Variants in DPYSL2 observed in about 807,000 individuals in gnomAD.
DPYSL2 encodes the protein dihydropyrimidinase-related protein 2.
A neutral mutation model predicts 69.9 loss-of-function variants in DPYSL2; 13 were observed. The observed-to-expected ratio is 0.19, with a 90% CI of 0.12 to 0.30. DPYSL2 has a LOEUF of 0.30. Among genes scored for constraint, DPYSL2 ranks in the 10% least tolerant of loss-of-function variants. DPYSL2 has a pLI of 1.00. For missense variants in DPYSL2, 587 were observed against 918.9 expected, an observed-to-expected ratio of 0.64 and a Z score of 4.67; for synonymous variants, 326 against 359.1, an observed-to-expected ratio of 0.91 and a Z score of 1.04.
chr8:26,574,383 A>G (rs959618346), intron 1 of DPYSL2, among the ~76,000 whole-genome samples: 4 of 152,214 alleles, frequency 2.6e-5, no homozygotes, highest in Non-Finnish European at 5.9e-5. Context: ...ACTCTGATAC[A>G]GCACCTGGTT....
intron 1 of DPYSL2, among the ~76,000 whole-genome samples, chr8:26,577,533 A>C (rs1801379981): frequency 6.7e-6 from 1 of 148,528 alleles, no homozygotes; most frequent in Non-Finnish European, 1.5e-5. Flanking sequence ...ATTGGCGCGC[A>C]GGCGGGCAGG....
In DPYSL2 at chr8:26,582,665, T is replaced by C. The variant is rs1328488382; in HGVS notation, c.443+608T>C. Among the ~76,000 whole-genome samples, 1 of 152,234 alleles carries C rather than the reference T, an allele frequency of 6.6e-6. No individual in the cohort carries two copies. On this transcript the variant is annotated intron_variant, in intron 2 of 13. Transcript: ENST00000521913. This position sits in a 1 kb window ranked among gnomAD's most constrained non-coding sequence, Gnocchi z 4.1. The stretch of plus-strand genomic sequence containing the variant: ...GGGCAGTTCCTGAGTTTGGGTATTT[T>C]TGGACGCCAGAGGGTTAAGGAAGCT...
chr8:26,516,392 G>T lies in DPYSL2; in HGVS notation c.354+1713G>T, dbSNP rs1368082780. Among the ~76,000 whole-genome samples, 1 of 152,174 alleles carries T rather than the reference G, an allele frequency of 6.6e-6. No individual in the cohort carries two copies. Among genetic ancestry groups the T allele is most frequent in the African/African-American group, 2.4e-5 (1 of 41,434 alleles). On this transcript the variant is annotated intron_variant, in intron 1 of 13. Transcript: ENST00000521913. This position sits in a 1 kb window ranked among gnomAD's most constrained non-coding sequence, Gnocchi z 4.8. ...TTGAGTGAGTAGCCTCATGCATGGC[G>T]AGTTGTGCTGGTGATTGTGATGTCC... is the stretch of plus-strand genomic sequence containing the variant.
At chr8:26,519,463 G>A (rs1166271033) in intron 1 of DPYSL2, among the ~76,000 whole-genome samples, 3 of 152,100 alleles carry the variant, frequency 2.0e-5, no homozygotes, top group Non-Finnish European at 2.9e-5. Context: ...GATTTATGTA[G>A]CATTATATAA....
chr8:26,541,208 C>A (rs953081033), intron 1 of DPYSL2, among the ~76,000 whole-genome samples: 2 of 152,176 alleles, frequency 1.3e-5, no homozygotes, highest in African/African-American at 2.4e-5. Context: ...TAGTGGATTT[C>A]TTGGCAGAAA....
Position 26,621,338 on chromosome 8 carries a change from G to A in DPYSL2, c.629-2805G>A, listed in dbSNP as rs1312892648. ...ATTATTATTTCTGCTCATTCCCTTTGCTGGCCAGTGAAAGGAATGCATTTC... is the reference window on the plus strand; with the variant it reads ...ATTATTATTTCTGCTCATTCCCTTTACTGGCCAGTGAAAGGAATGCATTTC... On this transcript the variant is annotated intron_variant, in intron 3 of 13. Coordinates refer to ENST00000521913, the MANE Select transcript of DPYSL2 (RefSeq NM_001197293.3). This position sits in a 1 kb window ranked among gnomAD's most constrained non-coding sequence, Gnocchi z 4.9. 6.6e-6 allele frequency among the ~76,000 whole-genome samples: 1 copy of A among 152,054 alleles called. No homozygotes were observed. Among genetic ancestry groups the A allele is most frequent in the Non-Finnish European group, 1.5e-5 (1 of 68,026 alleles).
At position 26,641,172 on chromosome 8, in the gene DPYSL2, G is replaced by A. The variant is rs773401272; in HGVS notation, c.1127-2267G>A. 2.0e-5 allele frequency among the ~76,000 whole-genome samples: 3 copies of A among 152,194 alleles called. No individual in the cohort carries two copies. Among genetic ancestry groups the A allele is most frequent in the Non-Finnish European group, 4.4e-5 (3 of 68,032 alleles). On this transcript the variant is annotated intron_variant, in intron 8 of 13. Transcript: ENST00000521913. This position sits in a 1 kb window ranked among gnomAD's most constrained non-coding sequence, Gnocchi z 4.1. ...GAGCAGGCACAGGGAGAGGATGAGCGTCGGCAAGTTACAGGAAACTCAGGA... is the reference window on the plus strand; with the variant it reads ...GAGCAGGCACAGGGAGAGGATGAGCATCGGCAAGTTACAGGAAACTCAGGA...
chr8:26,536,489 G>T (rs1800594828), intron 1 of DPYSL2, among the ~76,000 whole-genome samples: 1 of 152,014 alleles, frequency 6.6e-6, no homozygotes, highest in Non-Finnish European at 1.5e-5. Context: ...TGGTTAACAT[G>T]GTGAAACGCC....
At chr8:26,612,968 G>A (rs1802267980) in intron 3 of DPYSL2, among the ~76,000 whole-genome samples, 1 of 152,212 alleles carries the variant, frequency 6.6e-6, no homozygotes, top group Non-Finnish European at 1.5e-5. Context: ...AGCATCAGAT[G>A]AGATAAGGTA....
At position 26,560,929 on chromosome 8, in the gene DPYSL2, A is replaced by G. The variant is rs1801060200; in HGVS notation, c.355-21040A>G. On this transcript the variant is annotated intron_variant, in intron 1 of 13. Coordinates refer to ENST00000521913, the MANE Select transcript of DPYSL2 (RefSeq NM_001197293.3). The surrounding 1 kb of genome is among the most constrained non-coding windows in gnomAD (Gnocchi z 4.4). The stretch of plus-strand genomic sequence containing the variant: ...GCCTCCAAGTCTAAAGAAGAATTTA[A>G]ATTGAGCTAGGGGAAGGGAAGTTGT... Among the ~76,000 whole-genome samples, 1 of 152,178 alleles carries G rather than the reference A, an allele frequency of 6.6e-6. No homozygotes were observed.
intron 1 of DPYSL2, among the ~76,000 whole-genome samples, chr8:26,552,122 A>G (rs1800882483): frequency 1.3e-5 from 2 of 152,202 alleles, no homozygotes; most frequent in South Asian, 4.1e-4. Context: ...CCTAAACAAT[A>G]TATGTTTGAA....
At chr8:26,568,445 T>C (rs1309693441) in intron 1 of DPYSL2, among the ~76,000 whole-genome samples, 1 of 152,078 alleles carries the variant, frequency 6.6e-6, no homozygotes, top group African/African-American at 2.4e-5. Flanking sequence ...AGTAATAAAT[T>C]CTCACTCCTT....
At position 26,652,189 on chromosome 8, in the gene DPYSL2, G is replaced by T; in HGVS notation, c.1597-68G>T. 6.9e-7 allele frequency: 1 copy of T among 1,456,140 alleles called. No homozygotes were observed. Among genetic ancestry groups the T allele is most frequent in the Non-Finnish European group, 9.2e-7 (1 of 1,084,874 alleles). 90.2% of individuals were successfully genotyped at this position (1,456,140 alleles called of 1,614,324 possible). The stretch of plus-strand genomic sequence containing the variant: ...TTGTCTCTGTGGGGTTGGGGCAGTG[G>T]GTGCTGCCGGGTGGATTGAGTCCAG... On this transcript the variant is annotated intron_variant, in intron 11 of 13. Transcript: ENST00000521913. The surrounding 1 kb of genome is among the most constrained non-coding windows in gnomAD (Gnocchi z 6.3).
intron 1 of DPYSL2, among the ~76,000 whole-genome samples, chr8:26,579,958 C>CCG (rs1801451668): frequency 1.4e-5 from 2 of 147,478 alleles, no homozygotes; most frequent in Non-Finnish European, 3.0e-5. Flanking sequence ...AAGAGCGCCC[C>CCG]CCCCCCCACA....
Position 26,605,236 on chromosome 8 carries a change from G to A in DPYSL2, c.629-18907G>A, listed in dbSNP as rs557582862. On this transcript the variant is annotated intron_variant, in intron 3 of 13. Coordinates refer to ENST00000521913, the MANE Select transcript of DPYSL2 (RefSeq NM_001197293.3). The surrounding 1 kb of genome is among the most constrained non-coding windows in gnomAD (Gnocchi z 4.1). ...TATCACTACTGTTTAACATGGTTCC[G>A]GATATGTTAGCCAGTGTAATAAGAT... Among the ~76,000 whole-genome samples, 42 of 148,954 alleles carry A rather than the reference G, an allele frequency of 2.8e-4. No homozygotes were observed. Among genetic ancestry groups the A allele is most frequent in the African/African-American group, 4.4e-4 (18 of 40,464 alleles).
intron 3 of DPYSL2, among the ~76,000 whole-genome samples, chr8:26,596,161 G>A (rs1186942108): frequency 6.6e-6 from 1 of 152,146 alleles, no homozygotes; most frequent in Non-Finnish European, 1.5e-5. Flanking sequence ...TCTTTTGGAG[G>A]AAGTGCAACT....
chr8:26,590,840 C>T (rs564857490), intron 3 of DPYSL2, among the ~76,000 whole-genome samples: 9 of 152,350 alleles, frequency 5.9e-5, no homozygotes, highest in South Asian at 2.1e-4. Context: ...AGGTCCAGCA[C>T]GCACACTTTA....
intron 1 of DPYSL2, among the ~76,000 whole-genome samples, chr8:26,526,865 G>A (rs1382567420): frequency 1.3e-5 from 2 of 152,230 alleles, no homozygotes; most frequent in Non-Finnish European, 2.9e-5. Flanking sequence ...TTGGTTGGTT[G>A]ATTTTGGAGG....
intron 1 of DPYSL2, among the ~76,000 whole-genome samples, chr8:26,542,009 G>A (rs1014951285): frequency 1.1e-4 from 17 of 151,714 alleles, no homozygotes; most frequent in African/African-American, 3.6e-4. Flanking sequence ...GGTGGCTAAT[G>A]CCTGTAATCC....
Sources: allele counts gnomAD v4.1 joint callset (sites outside exome capture counted in the v4.1 genomes callset), GRCh38; gene constraint gnomAD v4.1.1; non-coding constraint Gnocchi (gnomAD v3.1); transcripts MANE v1.5; gene names NCBI Gene and HGNC (gene_info 2026-07-23, HGNC 2026-07-21).